Variants in HSPBAP1 observed in about 807,000 individuals in gnomAD.
HSPBAP1 encodes the protein HSPB1-associated protein 1.
In HSPBAP1, 27 loss-of-function variants were observed where a neutral mutation model predicts 45.2. That is an observed-to-expected ratio of 0.60 (90% CI 0.44 to 0.82). The LOEUF (loss-of-function observed/expected upper bound fraction) is 0.82, where lower values mean the gene tolerates loss of function less well. HSPBAP1 is among the 40% of genes least tolerant of loss of function. The pLI is 0.00. For missense variants in HSPBAP1, 510 were observed against 590.9 expected (o/e 0.86, Z 1.42); for synonymous variants, 204 against 202.7 (o/e 1.01, Z -0.06).
At chr3:122,778,219 T>TG (rs796514492) in intron 1 of HSPBAP1, among the ~76,000 whole-genome samples, 145 of 20,872 alleles carry the variant, frequency 6.9e-3, no homozygotes, top group East Asian at 0.025. Flanking sequence ...TTTTTTGTTG[T>TG]TTTTTTTTTT....
intron 4 of HSPBAP1, chr3:122,758,920 C>G (rs76020932): frequency 2.9e-6 from 1 of 347,330 alleles, no homozygotes; most frequent in East Asian, 7.6e-5. Context: ...AAAAAAAGAC[C>G]AAGCAGAGAG....
intron 2 of HSPBAP1, among the ~76,000 whole-genome samples, chr3:122,777,191 G>A (rs1291196654): frequency 6.6e-6 from 1 of 152,136 alleles, no homozygotes; most frequent in Non-Finnish European, 1.5e-5. Flanking sequence ...ATAAAAGAGC[G>A]AGCTTTACAT....
At chr3:122,769,531 G>A (rs1173776614) in intron 2 of HSPBAP1, among the ~76,000 whole-genome samples, 1 of 152,160 alleles carries the variant, frequency 6.6e-6, no homozygotes, top group Non-Finnish European at 1.5e-5. Flanking sequence ...TTTTATTTTT[G>A]CAACTTAAAT....
At chr3:122,784,358 T>G (rs1935585320) in intron 1 of HSPBAP1, among the ~76,000 whole-genome samples, 1 of 152,172 alleles carries the variant, frequency 6.6e-6, no homozygotes, top group Admixed American at 6.5e-5. Flanking sequence ...AACAAATAAT[T>G]AATCATAAGC....
At chr3:122,764,426 T>G (rs1934705538) in intron 3 of HSPBAP1, among the ~76,000 whole-genome samples, 2 of 152,158 alleles carry the variant, frequency 1.3e-5, no homozygotes, top group Non-Finnish European at 2.9e-5. Flanking sequence ...CCTCTACTAG[T>G]TTTTTAAGTT....
rs180762011 is a variant in HSPBAP1, at chr3:122,778,631, G to A, written c.65-725C>T. 3.9e-3 allele frequency among the ~76,000 whole-genome samples: 597 copies of A among 151,570 alleles called. 5 individuals carry two copies. Among genetic ancestry groups the A allele is most frequent in the Non-Finnish European group, 6.6e-3 (451 of 67,942 alleles). On this transcript the variant is annotated intron_variant, in intron 1 of 7. Coordinates refer to ENST00000306103, the MANE Select transcript of HSPBAP1 (RefSeq NM_024610.6). ...TGCAAGCTCCGCCTCCCAGGTTCAC[G>A]CCGTTCTCCTGCCTCAGCCTCCCAA...
At chr3:122,745,320 T>C (rs1933807921) in intron 6 of HSPBAP1, among the ~76,000 whole-genome samples, 1 of 151,872 alleles carries the variant, frequency 6.6e-6, no homozygotes, top group Admixed American at 6.6e-5. Flanking sequence ...AACACAAAAA[T>C]CAATAGCTAT....
Position 122,752,605 on chromosome 3 carries a change from A to C in HSPBAP1, c.811T>G (p.Ser271Ala), listed in dbSNP as rs758807292. The change falls in exon 6 of 8, where the codon TCA becomes GCA. Residue 271 changes from serine (S) to alanine (A), a missense_variant. Coordinates refer to ENST00000306103, the MANE Select transcript of HSPBAP1 (RefSeq NM_024610.6). ...SIDPVTVSINSWIELEEDHLA... is the reference protein window; with the variant it reads ...SIDPVTVSINAWIELEEDHLA... ...CGAAAAAGTACCAGTTCAATCCATGAGTTTATACTGACAGTGACAGGATCA... is the reference window on the plus strand; with the variant it reads ...CGAAAAAGTACCAGTTCAATCCATGCGTTTATACTGACAGTGACAGGATCA... 4 of 1,576,422 alleles carry C rather than the reference A, an allele frequency of 2.5e-6. No individual in the cohort carries two copies. The highest frequency in any genetic ancestry group is 3.5e-6 in the Non-Finnish European group (4 of 1,157,684).
intron 1 of HSPBAP1, among the ~76,000 whole-genome samples, chr3:122,790,955 C>T (rs1483245357): frequency 6.6e-6 from 1 of 152,170 alleles, no homozygotes; most frequent in Non-Finnish European, 1.5e-5. Context: ...TCTTACATAA[C>T]ATCTCTAATT....
chr3:122,791,184 C>G (rs1935816919), intron 1 of HSPBAP1, among the ~76,000 whole-genome samples: 1 of 152,236 alleles, frequency 6.6e-6, no homozygotes, highest in African/African-American at 2.4e-5. Context: ...TCCCTCCAAT[C>G]GGTCTTCTAC....
intron 1 of HSPBAP1, among the ~76,000 whole-genome samples, chr3:122,778,215 G>GT (rs1285690466): frequency 0.023 from 988 of 42,654 alleles, 13 homozygotes; most frequent in African/African-American, 0.043. Flanking sequence ...AGTTTTTTTT[G>GT]TTGTTTTTTT....
Position 122,768,759 on chromosome 3 carries a change from G to C in HSPBAP1, c.374C>G (p.Ala125Gly), listed in dbSNP as rs1171231916. 1.2e-6 allele frequency: 2 copies of C among 1,612,684 alleles called. No individual in the cohort carries two copies. Among genetic ancestry groups the C allele is most frequent in the South Asian group, 2.2e-5 (2 of 91,044 alleles). The part of the protein sequence containing the change: ...FRDYDHSKFW[A>G]YADYKYFVSL... ...GACAAAATATTTATAGTCAGCATAA[G>C]CCCAGAACTTGGAATGGTCATAATC... The change falls in exon 3 of 8, where the codon GCT (alanine) becomes GGT (glycine). Residue 125 changes from alanine (A) to glycine (G), a missense_variant. Coordinates refer to ENST00000306103, the MANE Select transcript of HSPBAP1 (RefSeq NM_024610.6).
chr3:122,745,633 C>T (rs890304327), intron 6 of HSPBAP1, among the ~76,000 whole-genome samples: 2 of 152,200 alleles, frequency 1.3e-5, no homozygotes, highest in African/African-American at 4.8e-5. Context: ...GATCAGATCA[C>T]TGTCATGGTA....
intron 1 of HSPBAP1, among the ~76,000 whole-genome samples, chr3:122,783,021 T>C (rs923844280): frequency 5.5e-4 from 84 of 152,312 alleles, no homozygotes; most frequent in African/African-American, 1.8e-3. Flanking sequence ...TGTTACCTTC[T>C]ACACAGTCAT....
At chr3:122,780,086 G>A (rs1257125349) in intron 1 of HSPBAP1, among the ~76,000 whole-genome samples, 2 of 151,502 alleles carry the variant, frequency 1.3e-5, no homozygotes, top group Non-Finnish European at 3.0e-5. Flanking sequence ...AGGGGCGGCC[G>A]GGCAGAGGCG....
At chr3:122,749,874 T>C (rs889401620) in intron 6 of HSPBAP1, among the ~76,000 whole-genome samples, 2 of 151,936 alleles carry the variant, frequency 1.3e-5, no homozygotes, top group Non-Finnish European at 2.9e-5. Flanking sequence ...CCTCCCAAAG[T>C]GCCGGGATTA....
chr3:122,785,273 CAA>C (rs1935616505), intron 1 of HSPBAP1, among the ~76,000 whole-genome samples: 1 of 152,154 alleles, frequency 6.6e-6, no homozygotes, highest in Non-Finnish European at 1.5e-5. Flanking sequence ...TTGCCTGTGA[CAA>C]AGACTCTTTG....
chr3:122,744,703 CT>C (rs1406579378), intron 6 of HSPBAP1, among the ~76,000 whole-genome samples: 2 of 152,102 alleles, frequency 1.3e-5, no homozygotes, highest in Non-Finnish European at 2.9e-5. Flanking sequence ...GATACTAATC[CT>C]TTGGAAAATT....
intron 1 of HSPBAP1, among the ~76,000 whole-genome samples, chr3:122,785,891 ATG>A (rs1477021888): frequency 2.7e-5 from 4 of 150,276 alleles, no homozygotes; most frequent in Non-Finnish European, 5.9e-5. Flanking sequence ...TATAATTTCC[ATG>A]TGTGTGCGTG....
Sources: gnomAD v4.1 joint callset for allele counts (sites outside exome capture counted in the v4.1 genomes callset) on GRCh38, gnomAD v4.1.1 for gene constraint, MANE v1.5 for transcripts, NCBI Gene and HGNC (gene_info 2026-07-23, HGNC 2026-07-21) for gene names.